Variants in UCK2 observed in about 807,000 individuals in gnomAD.
The protein encoded by UCK2 is cytidine monophosphokinase 2.
In UCK2, 6 loss-of-function variants were observed where a neutral mutation model predicts 30.8. That is an observed-to-expected ratio of 0.19 (90% confidence interval 0.11 to 0.38). UCK2 has a LOEUF of 0.38. Ranked by LOEUF, UCK2 falls within the 10% of genes least tolerant of loss-of-function variation. The pLI is 1.00. For missense variants in UCK2, 210 were observed against 339.8 expected (o/e 0.62, Z 3.00); for synonymous variants, 125 against 133.6 (o/e 0.94, Z 0.45).
rs576483016 is a variant in UCK2, at chr1:165,907,957, A to AT, written c.*144dup. Reference sequence around the variant, plus strand: ...ACACCATGGAGATGAAATGCCTTTGATTTTTTTTTTCTTTTTGTACTTTGG... The same window carrying AT: ...ACACCATGGAGATGAAATGCCTTTGATTTTTTTTTTTCTTTTTGTACTTTGG... On this transcript the variant is annotated 3_prime_UTR_variant, in exon 7 of 7. Coordinates refer to ENST00000367879, the MANE Select transcript of UCK2 (RefSeq NM_012474.5). 8,858 of 1,215,108 alleles carry AT rather than the reference A, an allele frequency of 7.3e-3. 2 individuals are homozygous for AT. The highest frequency in any genetic ancestry group is 0.011 in the South Asian group (598 of 52,212). 75.3% of individuals were successfully genotyped at this position (1,215,108 alleles called of 1,614,324 possible).
Position 165,827,818 on chromosome 1 carries a change from A to G in UCK2, c.-16A>G, listed in dbSNP as rs1305561715. On this transcript the variant is annotated 5_prime_UTR_variant, in exon 1 of 7. Transcript: ENST00000367879. Reference sequence around the variant, plus strand: ...GTCCGTTCGCACAGGCAGCGGGAGGAGGGGCGGCGCGAACCATGGCCGGGG... The same window carrying G: ...GTCCGTTCGCACAGGCAGCGGGAGGGGGGGCGGCGCGAACCATGGCCGGGG... 2.8e-6 allele frequency: 4 copies of G among 1,411,694 alleles called. No individual in the cohort carries two copies. The highest frequency in any genetic ancestry group is 1.9e-4 in the Middle Eastern group (1 of 5,398). 87.4% of individuals were successfully genotyped at this position (1,411,694 alleles called of 1,614,324 possible). A position where few individuals can be genotyped will look rare whatever the true frequency, so the allele number is the denominator to read the frequency against.
chr1:165,828,038 C>A, intron 1 of UCK2, 106 bp downstream of exon 1: 1 of 807,026 alleles, frequency 1.2e-6, no homozygotes, highest in Non-Finnish European at 1.6e-6. Flanking sequence ...ACCGCGTGGC[C>A]CGCGCGCCTC....
intron 1 of UCK2, among the ~76,000 whole-genome samples, chr1:165,846,702 T>C (rs4535982): frequency 0.49 from 73,830 of 152,054 alleles, 18,641 homozygotes; most frequent in African/African-American, 0.63. Flanking sequence ...CGAACACTTT[T>C]TGATATAGGT....
At chr1:165,906,892 A>G (rs1647682903) in intron 6 of UCK2, among the ~76,000 whole-genome samples, 1 of 152,258 alleles carries the variant, frequency 6.6e-6, no homozygotes, top group Non-Finnish European at 1.5e-5. Flanking sequence ...AGGCATTCTT[A>G]TTCATCAGCA....
intron 1 of UCK2, among the ~76,000 whole-genome samples, chr1:165,865,252 A>G (rs75619807): frequency 0.022 from 3,351 of 152,262 alleles, 63 homozygotes; most frequent in East Asian, 0.056. Flanking sequence ...ATAAATTCCT[A>G]GAAGTGGAAT....
Position 165,907,671 on chromosome 1 carries a change from C to T in UCK2, c.647-13C>T, listed in dbSNP as rs1647713862. The T allele has an allele frequency of 2.5e-6, 4 of 1,613,878 alleles. No individual in the cohort carries two copies. The highest frequency in any genetic ancestry group is 3.4e-6 in the Non-Finnish European group (4 of 1,179,822). ...CCTGCACCCGTAACGCTCTGCTGGTCTCTGCCCCACAGTGGCCATCAACCT... is the reference window on the plus strand; with the variant it reads ...CCTGCACCCGTAACGCTCTGCTGGTTTCTGCCCCACAGTGGCCATCAACCT... On this transcript the variant is annotated splice_polypyrimidine_tract_variant and intron_variant, in intron 6 of 6. Transcript: ENST00000367879.
At chr1:165,881,182 TAAAAA>T (rs56886913) in intron 1 of UCK2, among the ~76,000 whole-genome samples, 3 of 92,852 alleles carry the variant, frequency 3.2e-5, no homozygotes, top group African/African-American at 4.2e-5. Flanking sequence ...CAATAAAACT[TAAAAA>T]AAAAAAAAAA....
intron 1 of UCK2, among the ~76,000 whole-genome samples, chr1:165,843,505 G>C (rs1654378649): frequency 6.6e-6 from 1 of 152,170 alleles, no homozygotes; most frequent in African/African-American, 2.4e-5. Context: ...CTCAATGCCT[G>C]ATGACTCAAT....
At chr1:165,854,585 G>A (rs867383288) in intron 1 of UCK2, among the ~76,000 whole-genome samples, 4 of 148,344 alleles carry the variant, frequency 2.7e-5, no homozygotes, top group Middle Eastern at 6.9e-3. Context: ...TGCTAACTAG[G>A]CTTCCTTTTT....
chr1:165,827,778 G>A lies in UCK2; in HGVS notation c.-56G>A. On this transcript the variant is annotated 5_prime_UTR_variant, in exon 1 of 7. Transcript: ENST00000367879. ...AGCGGAGGGAGTCCGACGCGGGCGCGGGCGGGGAGCGTGCGTCCGTTCGCA... is the reference window on the plus strand; with the variant it reads ...AGCGGAGGGAGTCCGACGCGGGCGCAGGCGGGGAGCGTGCGTCCGTTCGCA... The A allele has an allele frequency of 7.8e-7, 1 of 1,289,506 alleles. No individual in the cohort carries two copies. Among genetic ancestry groups the A allele is most frequent in the Non-Finnish European group, 9.9e-7 (1 of 1,007,182 alleles). 79.9% of individuals were successfully genotyped at this position (1,289,506 alleles called of 1,614,324 possible). A position where few individuals can be genotyped will look rare whatever the true frequency, so the allele number is the denominator to read the frequency against.
intron 1 of UCK2, among the ~76,000 whole-genome samples, chr1:165,886,475 T>C (rs1655616453): frequency 6.6e-6 from 1 of 152,056 alleles, no homozygotes; most frequent in African/African-American, 2.4e-5. Context: ...TCTGAATTTG[T>C]GTAGAGGTGG....
intron 1 of UCK2, among the ~76,000 whole-genome samples, chr1:165,868,780 T>C (rs1655115775): frequency 6.6e-6 from 1 of 152,242 alleles, no homozygotes; most frequent in Non-Finnish European, 1.5e-5. Flanking sequence ...TTCTTATCAT[T>C]CATGTGTTCA....
At chr1:165,898,482 A>T (rs1768903) in intron 4 of UCK2, among the ~76,000 whole-genome samples, 1 of 152,158 alleles carries the variant, frequency 6.6e-6, no homozygotes. Flanking sequence ...GACTGGTTAG[A>T]TCCTCCAAGG....
intron 1 of UCK2, among the ~76,000 whole-genome samples, chr1:165,874,901 AAT>A (rs1429391792): frequency 6.6e-6 from 1 of 152,126 alleles, no homozygotes; most frequent in Non-Finnish European, 1.5e-5. Context: ...CCTGGTACAT[AAT>A]GTATGAACAC....
intron 1 of UCK2, among the ~76,000 whole-genome samples, chr1:165,863,039 C>A (rs10918297): frequency 5.9e-5 from 9 of 151,998 alleles, no homozygotes; most frequent in South Asian, 2.1e-4. Flanking sequence ...CATAGGAAAC[C>A]TATTATGTGC....
intron 1 of UCK2, among the ~76,000 whole-genome samples, chr1:165,856,067 G>T (rs1297931551): frequency 6.6e-6 from 1 of 152,108 alleles, no homozygotes; most frequent in African/African-American, 2.4e-5. Flanking sequence ...ATTTCCCCAT[G>T]TTAAAATGAT....
At chr1:165,901,453 G>T (rs1571300965) in intron 4 of UCK2, among the ~76,000 whole-genome samples, 1 of 152,174 alleles carries the variant, frequency 6.6e-6, no homozygotes, top group East Asian at 1.9e-4. Flanking sequence ...ATGCACCTGT[G>T]CATGTGTGTA....
At chr1:165,878,955 T>C (rs905281193) in intron 1 of UCK2, among the ~76,000 whole-genome samples, 8 of 152,252 alleles carry the variant, frequency 5.3e-5, no homozygotes, top group African/African-American at 1.7e-4. Context: ...GAGTTCCTGT[T>C]GCTCCACATC....
At chr1:165,887,282 A>G (rs1655639276) in intron 1 of UCK2, among the ~76,000 whole-genome samples, 1 of 152,200 alleles carries the variant, frequency 6.6e-6, no homozygotes, top group African/African-American at 2.4e-5. Flanking sequence ...CGGGGGATCA[A>G]CACAATTAGT....
Sources: allele counts gnomAD v4.1 joint callset (sites outside exome capture counted in the v4.1 genomes callset), GRCh38; gene constraint gnomAD v4.1.1; transcripts MANE v1.5; gene names NCBI Gene and HGNC (gene_info 2026-07-23, HGNC 2026-07-21).